The following BDP1 variants were observed in gnomAD, a reference collection of about 807,000 sequenced individuals.
BDP1 encodes the protein BDP1 general transcription factor IIIB subunit.
Under a neutral mutation model 266.6 loss-of-function variants are expected in BDP1, and 169 were observed. That is an observed-to-expected ratio of 0.63 (90% confidence interval 0.56 to 0.72). The LOEUF (loss-of-function observed/expected upper bound fraction) is 0.72. Ranked by LOEUF, BDP1 falls within the 30% of genes least tolerant of loss-of-function variation. BDP1 has a pLI of 0.00. For synonymous variants in BDP1, 1,090 were observed against 1,022.4 expected (o/e 1.07, Z -1.26); for missense variants, 3,015 against 3,053.8 (o/e 0.99, Z 0.30).
Position 71,466,202 on chromosome 5 carries a change from A to G in BDP1, c.766A>G (p.Ile256Val). 6.2e-7 allele frequency: 1 copy of G among 1,614,054 alleles called. No individual in the cohort carries two copies. Among genetic ancestry groups the G allele is most frequent in the South Asian group, 1.1e-5 (1 of 91,070 alleles). Residue 256 changes from isoleucine (I) to valine (V), a missense_variant, in exon 5 of 39, where the codon ATT becomes GTT. Physicochemically the swap from Ile to Val is conservative, Grantham distance 29. This residue lies in a region of BDP1 where 2,383 missense variants were observed against 2,404.9 expected (regional missense o/e 0.99). Transcript: ENST00000358731. ...PRVKVAEDGS[I>V]ILDEESLTVE... ...AGTAAAAGTGGCAGAAGATGGTTCCATTATTTTGGATGAAGAAAGGTATTT... is the reference window on the plus strand; with the variant it reads ...AGTAAAAGTGGCAGAAGATGGTTCCGTTATTTTGGATGAAGAAAGGTATTT...
At chr5:71,555,740 C>T (rs1038621027) in intron 35 of BDP1, among the ~76,000 whole-genome samples, 5 of 152,118 alleles carry the variant, frequency 3.3e-5, no homozygotes, top group Admixed American at 1.3e-4. Flanking sequence ...CACGCCCGGC[C>T]GAATTTTTGT....
At chr5:71,552,354 G>T (rs546807616) in intron 34 of BDP1, among the ~76,000 whole-genome samples, 21 of 152,208 alleles carry the variant, frequency 1.4e-4, no homozygotes, top group Non-Finnish European at 2.5e-4. Context: ...CCGCCGGGCA[G>T]AGACGCTCCT....
the BDP1 span, among the ~76,000 whole-genome samples, chr5:71,576,017 G>A: frequency 4.6e-5 from 7 of 152,126 alleles, no homozygotes; most frequent in Non-Finnish European, 8.8e-5. Context: ...AGAGAAGATC[G>A]ACCAGAGTCA....
chr5:71,458,939 T>G, intron 2 of BDP1, 84 bp downstream of exon 2: 1 of 1,353,236 alleles, frequency 7.4e-7, no homozygotes, highest in Non-Finnish European at 1.0e-6. Flanking sequence ...TTTGTAGCAT[T>G]TTGATGGGGG....
intron 2 of BDP1, among the ~76,000 whole-genome samples, chr5:71,461,432 C>T (rs1443621646): frequency 6.6e-6 from 1 of 151,078 alleles, no homozygotes; most frequent in African/African-American, 2.4e-5. Context: ...TAGGGAGACT[C>T]CATCTCTACC....
chr5:71,471,630 A>G (rs556185199), intron 7 of BDP1, among the ~76,000 whole-genome samples: 2 of 152,280 alleles, frequency 1.3e-5, no homozygotes, highest in Admixed American at 1.3e-4. Flanking sequence ...GCCCAAGAGG[A>G]TGAGCTTTCT....
Position 71,564,685 on chromosome 5 carries a change from T to TACACAC in BDP1, c.7744-65_7744-60dup, listed in dbSNP as rs947951883. ...TCATATTGGTTTAGACTGCTATATATACACACACATATATATATAAATGTT... is the reference window on the plus strand; with the variant it reads ...TCATATTGGTTTAGACTGCTATATATACACACACACACACATATATATATAAATGTT... On this transcript the variant is annotated intron_variant, in intron 38 of 38. Transcript: ENST00000358731. 15 of 1,336,712 alleles carry TACACAC rather than the reference T, an allele frequency of 1.1e-5. No homozygotes were observed. The African/African-American group carries it at 1.7e-4, about 15-fold the overall frequency. 82.8% of individuals were successfully genotyped at this position (1,336,712 alleles called of 1,614,324 possible).
At chr5:71,489,088 G>A (rs941486031) in intron 9 of BDP1, among the ~76,000 whole-genome samples, 2 of 152,122 alleles carry the variant, frequency 1.3e-5, no homozygotes, top group Admixed American at 1.3e-4. Context: ...AAGTCAAGGA[G>A]CATCTCTATA....
intron 17 of BDP1, among the ~76,000 whole-genome samples, chr5:71,511,749 T>C (rs2150477015): frequency 6.6e-6 from 1 of 152,274 alleles, no homozygotes; most frequent in Admixed American, 6.5e-5. Flanking sequence ...TTCTTTTGGC[T>C]TAGGTTTGAG....
chr5:71,576,146 G>T, the BDP1 span, among the ~76,000 whole-genome samples: 1 of 152,130 alleles, frequency 6.6e-6, no homozygotes, highest in Non-Finnish European at 1.5e-5. Flanking sequence ...GGCCATGTTA[G>T]CCATAATATC....
At chr5:71,560,618 T>A (rs1743577261) in intron 37 of BDP1, among the ~76,000 whole-genome samples, 1 of 152,222 alleles carries the variant, frequency 6.6e-6, no homozygotes, top group African/African-American at 2.4e-5. Context: ...TTTTTCTCCC[T>A]TGTGACAAAC....
chr5:71,550,765 G>C (rs1001087403), intron 34 of BDP1, among the ~76,000 whole-genome samples: 1 of 152,114 alleles, frequency 6.6e-6, no homozygotes, highest in Non-Finnish European at 1.5e-5. Context: ...GAGTGTAGTG[G>C]CGTGATCTCA....
rs201608641 is a variant in BDP1, at chr5:71,513,247, G to C, written c.4310G>C (p.Arg1437Pro). The C allele has an allele frequency of 8.4e-5, 136 of 1,613,488 alleles. 1 individual carries two copies. Among genetic ancestry groups the C allele is most frequent in the Middle Eastern group, 1.7e-4 (1 of 5,984 alleles). Residue 1437 changes from arginine (R) to proline (P), a missense_variant, in exon 19 of 39, where the codon CGA (arginine) becomes CCA (proline). Coordinates refer to ENST00000358731, the MANE Select transcript of BDP1 (RefSeq NM_018429.3). ...EIKPAPFVRS[R>P]FKRPKPNLAR... ...AAACCAGCACCTTTTGTGAGGAGCC[G>C]ATTCAAAAGACCAAAACCAAACTTA...
At position 71,565,139 on chromosome 5, in the gene BDP1, CTT is replaced by C. The variant is rs779948078; in HGVS notation, c.*255_*256del. On this transcript the variant is annotated 3_prime_UTR_variant, in exon 39 of 39. Transcript: ENST00000358731. ...GCTTTCTCAGACAGAAATAACAACT[CTT>C]GTTTACATTTTGACTCTTCCTGTGC... 1.5e-5 allele frequency: 6 copies of C among 391,256 alleles called. No homozygotes were observed. Among genetic ancestry groups the C allele is most frequent in the African/African-American group, 2.1e-5 (1 of 48,558 alleles). 24.2% of individuals were successfully genotyped at this position (391,256 alleles called of 1,614,324 possible).
At position 71,502,679 on chromosome 5, in the gene BDP1, AG is replaced by A. The variant is rs761308562; in HGVS notation, c.2130del (p.Lys710AsnfsTer26). ...GTACAAGTGAGGGGCCGATTGCAAA[AG>A]CCAAAGCCAAATGCAGGTAAAGCTG... ...RPVQVRGRLQ[K>X]PKPNAGKAAE... is the part of the protein sequence containing the mutation. On this transcript the variant is annotated frameshift_variant, in exon 15 of 39. Coordinates refer to ENST00000358731, the MANE Select transcript of BDP1 (RefSeq NM_018429.3). LOFTEE classifies it high-confidence loss of function. 1 of 1,614,124 alleles carries A rather than the reference AG, an allele frequency of 6.2e-7. No individual in the cohort carries two copies. Among genetic ancestry groups the A allele is most frequent in the Non-Finnish European group, 8.5e-7 (1 of 1,180,020 alleles).
chr5:71,574,786 G>C, the BDP1 span, among the ~76,000 whole-genome samples: 2 of 151,066 alleles, frequency 1.3e-5, no homozygotes, highest in Admixed American at 1.3e-4. Context: ...CCTTCTCCAC[G>C]AAAGGAGAAA....
rs368055947 is a variant in BDP1, at chr5:71,524,000, A to C, written c.5449A>C (p.Ile1817Leu). ...SKIALDGKTT[I>L]SSTSEYERNR... ...AATTGCCCTGGATGGGAAAACAACT[A>C]TCTCTTCTACATCTGAGTATGAGAG... The change falls in exon 25 of 39, where the codon ATC becomes CTC. Residue 1817 changes from isoleucine to leucine, a missense_variant. Coordinates refer to ENST00000358731, the MANE Select transcript of BDP1 (RefSeq NM_018429.3). 5.1e-5 allele frequency: 82 copies of C among 1,614,074 alleles called. No homozygotes were observed. In the African/African-American group the frequency reaches 6.5e-4, roughly 13 times the overall value.
chr5:71,551,802 G>T (rs558171885), intron 34 of BDP1, among the ~76,000 whole-genome samples: 1 of 150,890 alleles, frequency 6.6e-6, no homozygotes, highest in Non-Finnish European at 1.5e-5. Flanking sequence ...CCTCCCAGAC[G>T]GGGTGGCTGG....
At chr5:71,511,684 C>A (rs1430975153) in intron 17 of BDP1, among the ~76,000 whole-genome samples, 1 of 151,738 alleles carries the variant, frequency 6.6e-6, no homozygotes, top group Non-Finnish European at 1.5e-5. Flanking sequence ...GTGAAAAAGT[C>A]ACTGTTATTA....
Sources: gnomAD v4.1 joint callset for allele counts (sites outside exome capture counted in the v4.1 genomes callset) on GRCh38, gnomAD v4.1.1 for gene constraint, gnomAD v4.1.1 regional missense constraint, MANE v1.5 for transcripts, NCBI Gene and HGNC (gene_info 2026-07-23, HGNC 2026-07-21) for gene names.